Variants in KHDRBS2 observed in about 807,000 individuals in gnomAD.
KHDRBS2 encodes the protein KH RNA binding domain containing, signal transduction associated 2.
In KHDRBS2, 26 loss-of-function variants were observed where a neutral mutation model predicts 44.3. That is an observed-to-expected ratio of 0.59 (90% confidence interval 0.43 to 0.81). The LOEUF (loss-of-function observed/expected upper bound fraction) is 0.81, where lower values mean the gene tolerates loss of function less well. KHDRBS2 is among the 40% of genes least tolerant of loss of function. The pLI is 0.00. For synonymous variants in KHDRBS2, 194 were observed against 151.1 expected (o/e 1.28, Z -2.08); for missense variants, 476 against 433.1 (o/e 1.10, Z -0.88).
the KHDRBS2 span, among the ~76,000 whole-genome samples, chr6:61,588,143 T>C: frequency 6.6e-6 from 1 of 152,212 alleles, no homozygotes; most frequent in East Asian, 1.9e-4. Flanking sequence ...TAGTTAAATG[T>C]CCATTTATTA....
At chr6:61,726,972 C>A (rs1773679724) in intron 7 of KHDRBS2, among the ~76,000 whole-genome samples, 1 of 152,036 alleles carries the variant, frequency 6.6e-6, no homozygotes, top group Non-Finnish European at 1.5e-5. Context: ...CAAGAGAATC[C>A]TAAGCAAAGA....
intron 1 of KHDRBS2, among the ~76,000 whole-genome samples, chr6:62,195,302 C>A (rs572533208): frequency 3.0e-4 from 45 of 152,264 alleles, no homozygotes; most frequent in African/African-American, 1.1e-3. Context: ...CTTATTAGTT[C>A]TAATATTTTT....
intron 6 of KHDRBS2, among the ~76,000 whole-genome samples, chr6:61,871,860 G>A (rs767973875): frequency 6.0e-5 from 9 of 149,058 alleles, no homozygotes; most frequent in East Asian, 2.0e-4. Flanking sequence ...AAGAAGCACC[G>A]CATGTTCTCA....
At chr6:61,710,160 T>C (rs926273720) in intron 7 of KHDRBS2, among the ~76,000 whole-genome samples, 1 of 151,678 alleles carries the variant, frequency 6.6e-6, no homozygotes, top group Non-Finnish European at 1.5e-5. Flanking sequence ...TTGACAACAA[T>C]GATTTCATTT....
At position 62,285,908 on chromosome 6, in the gene KHDRBS2, T is replaced by C; in HGVS notation, c.41A>G (p.Lys14Arg). Residue 14 changes from lysine to arginine, a missense_variant, in exon 1 of 9, where the codon AAA becomes AGA. Physicochemically the swap from Lys to Arg is conservative, Grantham distance 26. Coordinates refer to ENST00000281156, the MANE Select transcript of KHDRBS2 (RefSeq NM_152688.4). ...EKYLPELMAE[K>R]DSLDPSFVHA... The stretch of plus-strand genomic sequence containing the variant: ...CACAAAAGATGGATCCAGGCTATCT[T>C]TCTCTGCCATCAGCTCAGGCAAATA... The C allele has an allele frequency of 6.2e-7, 1 of 1,613,536 alleles. No homozygotes were observed. The highest frequency in any genetic ancestry group is 8.5e-7 in the Non-Finnish European group (1 of 1,179,782).
At position 61,945,758 on chromosome 6, in the gene KHDRBS2, C is replaced by CA. The variant is rs1419045166; in HGVS notation, c.483+32307dup. On this transcript the variant is annotated intron_variant, in intron 4 of 8. Transcript: ENST00000281156. The stretch of plus-strand genomic sequence containing the variant: ...AATAAATATAATTGAGACCGTCAAG[C>CA]AAAAACCCATGAAAAAAAAATATGA... Among the ~76,000 whole-genome samples the CA allele has an allele frequency of 1.1e-4, 17 of 151,012 alleles. No homozygotes were observed. The South Asian group carries it at 3.3e-3, about 30-fold the overall frequency.
intron 2 of KHDRBS2, among the ~76,000 whole-genome samples, chr6:62,076,396 T>C (rs1796341771): frequency 6.6e-6 from 1 of 151,998 alleles, no homozygotes; most frequent in South Asian, 2.1e-4. Context: ...TGTGTGAAGA[T>C]GAAGAGATTG....
intron 2 of KHDRBS2, among the ~76,000 whole-genome samples, chr6:62,084,410 T>C (rs991288388): frequency 1.3e-5 from 2 of 152,166 alleles, no homozygotes; most frequent in Non-Finnish European, 2.9e-5. Flanking sequence ...TCCCCATTTC[T>C]GAGTGGAATA....
intron 1 of KHDRBS2, among the ~76,000 whole-genome samples, chr6:62,223,455 C>T (rs1056307507): frequency 2.0e-5 from 3 of 152,196 alleles, no homozygotes; most frequent in African/African-American, 7.2e-5. Flanking sequence ...CCTAGACTTG[C>T]CCTAAGGACA....
the KHDRBS2 span, among the ~76,000 whole-genome samples, chr6:61,639,014 T>C: frequency 6.6e-6 from 1 of 152,142 alleles, no homozygotes; most frequent in Non-Finnish European, 1.5e-5. Context: ...AAGTGGAGCA[T>C]CTAGCTGTTG....
intron 2 of KHDRBS2, among the ~76,000 whole-genome samples, chr6:62,059,197 A>ATTTTTT (rs1562748697): frequency 1.0e-4 from 3 of 30,074 alleles, no homozygotes; most frequent in African/African-American, 2.4e-4. Context: ...AAAGTTAGGA[A>ATTTTTT]GTTTTTTTTT....
intron 6 of KHDRBS2, among the ~76,000 whole-genome samples, chr6:61,779,683 A>G (rs1392543536): frequency 6.6e-6 from 1 of 152,196 alleles, no homozygotes; most frequent in Non-Finnish European, 1.5e-5. Flanking sequence ...TTATAATTAA[A>G]TTTTATATTA....
At chr6:61,899,784 C>T (rs1803620985) in intron 5 of KHDRBS2, among the ~76,000 whole-genome samples, 1 of 140,976 alleles carries the variant, frequency 7.1e-6, no homozygotes, top group Non-Finnish European at 1.5e-5. Flanking sequence ...TGTGCCCTCT[C>T]TAGGCATCCT....
chr6:61,707,696 GTAT>G (rs1377709825), intron 7 of KHDRBS2, among the ~76,000 whole-genome samples: 1 of 151,580 alleles, frequency 6.6e-6, no homozygotes, highest in Non-Finnish European at 1.5e-5. Context: ...CTACAAGCTA[GTAT>G]TAATACTAAT....
the KHDRBS2 span, among the ~76,000 whole-genome samples, chr6:61,662,283 A>C: frequency 6.6e-6 from 1 of 152,104 alleles, no homozygotes; most frequent in African/African-American, 2.4e-5. Flanking sequence ...TAGACCTAAA[A>C]CCATAAAAAC....
chr6:61,996,612 C>A (rs920231073), intron 3 of KHDRBS2, among the ~76,000 whole-genome samples: 2 of 152,136 alleles, frequency 1.3e-5, no homozygotes, highest in Non-Finnish European at 2.9e-5. Context: ...AGGCAACTTT[C>A]TCCAGTTCAG....
At chr6:62,207,173 G>C (rs1828131115) in intron 1 of KHDRBS2, among the ~76,000 whole-genome samples, 3 of 151,878 alleles carry the variant, frequency 2.0e-5, no homozygotes. Context: ...TTATAAAACA[G>C]AATCATGTCT....
At chr6:62,242,450 G>A (rs1834833555) in intron 1 of KHDRBS2, among the ~76,000 whole-genome samples, 2 of 151,964 alleles carry the variant, frequency 1.3e-5, no homozygotes, top group Non-Finnish European at 2.9e-5. Context: ...AGCATCCCTG[G>A]CATCCACTCA....
At chr6:61,808,928 G>A (rs945351042) in intron 6 of KHDRBS2, among the ~76,000 whole-genome samples, 4 of 151,948 alleles carry the variant, frequency 2.6e-5, no homozygotes, top group African/African-American at 9.7e-5. Flanking sequence ...AATGTTAAAT[G>A]AAATTCAATT....
Sources: gnomAD v4.1 joint callset for allele counts (sites outside exome capture counted in the v4.1 genomes callset) on GRCh38, gnomAD v4.1.1 for gene constraint, MANE v1.5 for transcripts, NCBI Gene and HGNC (gene_info 2026-07-23, HGNC 2026-07-21) for gene names.